The following NALF1 variants were observed in gnomAD, a reference collection of about 807,000 sequenced individuals.
The protein encoded by NALF1 is family with sequence similarity 155 member A.
Under a neutral mutation model 48.4 loss-of-function variants are expected in NALF1, and 3 were observed. That is an observed-to-expected ratio of 0.06 (90% CI 0.03 to 0.16). NALF1 has a LOEUF of 0.16. Among genes scored for constraint, NALF1 ranks in the 10% least tolerant of loss-of-function variants. The pLI is 1.00. For synonymous variants in NALF1, 262 were observed against 245.7 expected (o/e 1.07, Z -0.62); for missense variants, 526 against 571.5 (o/e 0.92, Z 0.81).
intron 1 of NALF1, among the ~76,000 whole-genome samples, chr13:107,525,244 C>T (rs1244229590): frequency 1.3e-5 from 2 of 152,092 alleles, no homozygotes; most frequent in African/African-American, 4.8e-5. Flanking sequence ...CCCCCAAAAA[C>T]TCCCTCATAC....
At chr13:107,641,794 G>A (rs1458308865) in intron 1 of NALF1, among the ~76,000 whole-genome samples, 2 of 152,106 alleles carry the variant, frequency 1.3e-5, no homozygotes, top group African/African-American at 4.8e-5. Context: ...AGGAGCAAGC[G>A]AGATCAAGAA....
chr13:107,724,871 G>C (rs545572154), intron 1 of NALF1, among the ~76,000 whole-genome samples: 2 of 152,040 alleles, frequency 1.3e-5, no homozygotes, highest in South Asian at 4.1e-4. Context: ...ATGAACCACC[G>C]TGCCTGGCCC....
At chr13:107,495,779 G>A (rs1875315422) in intron 1 of NALF1, among the ~76,000 whole-genome samples, 1 of 152,120 alleles carries the variant, frequency 6.6e-6, no homozygotes, top group South Asian at 2.1e-4. Flanking sequence ...TCTGCCATAA[G>A]ATCATACTTT....
At chr13:107,605,917 G>C (rs772665560) in intron 1 of NALF1, among the ~76,000 whole-genome samples, 1 of 152,124 alleles carries the variant, frequency 6.6e-6, no homozygotes, top group Non-Finnish European at 1.5e-5. Context: ...AAAAACACAG[G>C]TAGACCCAGC....
intron 1 of NALF1, among the ~76,000 whole-genome samples, chr13:107,213,321 G>GA (rs2138807585): frequency 6.8e-6 from 1 of 147,100 alleles, no homozygotes; most frequent in Non-Finnish European, 1.5e-5. Context: ...TAGTTATGAA[G>GA]AAAAGTGATC....
At chr13:107,590,998 G>C (rs939262770) in intron 1 of NALF1, among the ~76,000 whole-genome samples, 5 of 151,932 alleles carry the variant, frequency 3.3e-5, no homozygotes, top group Admixed American at 1.3e-4. Flanking sequence ...CTAGCACAGA[G>C]TTTATAAAGA....
At chr13:107,496,247 T>C (rs1875330308) in intron 1 of NALF1, among the ~76,000 whole-genome samples, 1 of 152,134 alleles carries the variant, frequency 6.6e-6, no homozygotes, top group African/African-American at 2.4e-5. Context: ...ATATCAGACA[T>C]TTTAGGCACA....
chr13:107,244,072 G>A (rs1018628195), intron 1 of NALF1, among the ~76,000 whole-genome samples: 5 of 152,110 alleles, frequency 3.3e-5, no homozygotes, highest in African/African-American at 1.2e-4. Flanking sequence ...AACAATCTGT[G>A]CCATTATTTT....
chr13:107,537,312 C>T (rs1349598765), intron 1 of NALF1, among the ~76,000 whole-genome samples: 2 of 151,998 alleles, frequency 1.3e-5, no homozygotes, highest in African/African-American at 2.4e-5. Context: ...ATGTATTCCC[C>T]TCTTATACAT....
At chr13:107,536,677 C>T (rs1594116453) in intron 1 of NALF1, among the ~76,000 whole-genome samples, 1 of 152,118 alleles carries the variant, frequency 6.6e-6, no homozygotes, top group African/African-American at 2.4e-5. Flanking sequence ...GTGGTGATTC[C>T]TCAGGGATCT....
At position 107,504,742 on chromosome 13, in the gene NALF1, C is replaced by T. The variant is rs12861084; in HGVS notation, c.916-293987G>A. Among the ~76,000 whole-genome samples the T allele has an allele frequency of 9.6e-3, 1,464 of 152,264 alleles. 10 individuals are homozygous for T. The highest frequency in any genetic ancestry group is 0.016 in the Non-Finnish European group (1,088 of 68,018). On this transcript the variant is annotated intron_variant, in intron 1 of 2. Transcript: ENST00000375915. Reference sequence around the variant, plus strand: ...ATATCTTTTCACTCAGGTCTTTCTCCCTATTCTGTCTCCAGTTGCCATCAT... The same window carrying T: ...ATATCTTTTCACTCAGGTCTTTCTCTCTATTCTGTCTCCAGTTGCCATCAT...
intron 1 of NALF1, among the ~76,000 whole-genome samples, chr13:107,495,665 C>T (rs1875310469): frequency 6.6e-6 from 1 of 152,102 alleles, no homozygotes; most frequent in Non-Finnish European, 1.5e-5. Flanking sequence ...TTCCTCAAAA[C>T]ATAAAGCATC....
chr13:107,707,825 G>A (rs1875443991), intron 1 of NALF1, among the ~76,000 whole-genome samples: 1 of 152,230 alleles, frequency 6.6e-6, no homozygotes, highest in South Asian at 2.1e-4. Flanking sequence ...CACACAATTA[G>A]CCAATGTCTT....
At chr13:107,855,234 G>A (rs1465053487) in intron 1 of NALF1, among the ~76,000 whole-genome samples, 2 of 152,314 alleles carry the variant, frequency 1.3e-5, no homozygotes, top group South Asian at 2.1e-4. Flanking sequence ...AGGCCTCTCT[G>A]ACTCTTAAGC....
intron 1 of NALF1, among the ~76,000 whole-genome samples, chr13:107,424,079 C>A (rs1388090956): frequency 6.6e-6 from 1 of 151,876 alleles, no homozygotes; most frequent in African/African-American, 2.4e-5. Context: ...TCAATAATTT[C>A]TCCTGTACTT....
At chr13:107,350,199 C>G (rs1331700891) in intron 1 of NALF1, among the ~76,000 whole-genome samples, 1 of 152,112 alleles carries the variant, frequency 6.6e-6, no homozygotes, top group Non-Finnish European at 1.5e-5. Context: ...GTTGGGGACC[C>G]CTGCTGTATT....
chr13:107,589,401 T>TA (rs1414078416), intron 1 of NALF1, among the ~76,000 whole-genome samples: 5 of 152,040 alleles, frequency 3.3e-5, no homozygotes, highest in African/African-American at 9.7e-5. Flanking sequence ...AATTTGTGTA[T>TA]AAAAATAATT....
chr13:107,248,563 T>A (rs1185040272), intron 1 of NALF1, among the ~76,000 whole-genome samples: 1 of 148,642 alleles, frequency 6.7e-6, no homozygotes, highest in African/African-American at 2.5e-5. Context: ...TGGAACTGTA[T>A]CATCTAGTAT....
chr13:107,740,740 C>T (rs1169155790), intron 1 of NALF1, among the ~76,000 whole-genome samples: 2 of 152,218 alleles, frequency 1.3e-5, no homozygotes, highest in African/African-American at 4.8e-5. Context: ...CCATGCTTCA[C>T]TGGCTCAAGA....
Sources: allele counts gnomAD v4.1 joint callset (sites outside exome capture counted in the v4.1 genomes callset), GRCh38; gene constraint gnomAD v4.1.1; transcripts MANE v1.5; gene names NCBI Gene and HGNC (gene_info 2026-07-23, HGNC 2026-07-21).